The following TAFA5 variants were observed in gnomAD, a reference collection of about 807,000 sequenced individuals.
The protein encoded by TAFA5 is TAFA chemokine like family member 5.
Under a neutral mutation model 15.3 loss-of-function variants are expected in TAFA5, and 6 were observed. That is an observed-to-expected ratio of 0.39 (90% CI 0.21 to 0.77). The LOEUF (loss-of-function observed/expected upper bound fraction) is 0.77, where lower values mean the gene tolerates loss of function less well. Among genes scored for constraint, TAFA5 ranks in the 30% least tolerant of loss-of-function variants. The pLI, the probability that TAFA5 is intolerant of heterozygous loss-of-function variation, is 0.41. For missense variants in TAFA5, 161 were observed against 193.1 expected (o/e 0.83, Z 0.98); for synonymous variants, 103 against 80.7 (o/e 1.28, Z -1.48).
chr22:48,576,706 C>G (rs1016022979), intron 1 of TAFA5: 14 of 1,085,726 alleles, frequency 1.3e-5, no homozygotes, highest in Non-Finnish European at 1.4e-5. Flanking sequence ...CACTGCGGGC[C>G]CGGAGCGGCC....
At position 48,638,360 on chromosome 22, in the gene TAFA5, C is replaced by T. The variant is rs1053002737; in HGVS notation, c.113-8237C>T. ...GGCCACACACAGGCAATACCACCCC[C>T]CCCCCGACACTAAGCCCTGGGACAC... On this transcript the variant is annotated intron_variant, in intron 1 of 3. Transcript: ENST00000402357. 5.9e-5 allele frequency among the ~76,000 whole-genome samples: 4 copies of T among 68,318 alleles called. 1 individual carries two copies. The highest frequency in any genetic ancestry group is 8.1e-5 in the Non-Finnish European group (3 of 37,026). The allele number at this position is 68,318 out of a possible 152,430, so 44.8% of individuals were successfully genotyped here. A position where few individuals can be genotyped will look rare whatever the true frequency, so the allele number is the denominator to read the frequency against.
intron 1 of TAFA5, among the ~76,000 whole-genome samples, chr22:48,529,039 C>T (rs1323857817): frequency 6.6e-6 from 1 of 152,204 alleles, no homozygotes; most frequent in East Asian, 1.9e-4. Context: ...CTTGAGGGCA[C>T]TAGAACCCTC....
intron 3 of TAFA5, among the ~76,000 whole-genome samples, chr22:48,744,010 A>G (rs1930255711): frequency 6.6e-6 from 1 of 152,134 alleles, no homozygotes; most frequent in Admixed American, 6.5e-5. Context: ...TTTCAGTCCT[A>G]GGGCTGGGTT....
intron 2 of TAFA5, among the ~76,000 whole-genome samples, chr22:48,676,065 A>G (rs1320481143): frequency 1.4e-5 from 2 of 143,364 alleles, no homozygotes; most frequent in African/African-American, 6.0e-5. Context: ...GGCTTGGAAT[A>G]AAACACAGAG....
chr22:48,733,430 A>G (rs4925390), intron 3 of TAFA5, among the ~76,000 whole-genome samples: 105,700 of 152,130 alleles, frequency 0.69, 37,828 homozygotes, highest in African/African-American at 0.77. Context: ...GAACCCTCAC[A>G]GGCAAGTTGC....
intron 1 of TAFA5, among the ~76,000 whole-genome samples, chr22:48,645,945 C>A (rs143389588): frequency 2.6e-5 from 4 of 151,412 alleles, no homozygotes; most frequent in Non-Finnish European, 5.9e-5. Context: ...TTTGCACACA[C>A]GTACATGCAC....
chr22:48,606,982 A>G (rs1228516375), intron 1 of TAFA5, among the ~76,000 whole-genome samples: 1 of 152,156 alleles, frequency 6.6e-6, no homozygotes, highest in Non-Finnish European at 1.5e-5. Context: ...GTCCTGCATC[A>G]CTTTCACTGA....
chr22:48,562,186 G>T (rs530449212), intron 1 of TAFA5, among the ~76,000 whole-genome samples: 1 of 121,560 alleles, frequency 8.2e-6, no homozygotes, highest in Admixed American at 9.1e-5. Flanking sequence ...CGCCCAGGTT[G>T]GAGTGCAGTG....
intron 2 of TAFA5, among the ~76,000 whole-genome samples, chr22:48,689,893 A>G (rs2147237078): frequency 6.6e-6 from 1 of 152,230 alleles, no homozygotes; most frequent in African/African-American, 2.4e-5. Context: ...CTCAGTCACT[A>G]GCAAGGTCCT....
intron 1 of TAFA5, among the ~76,000 whole-genome samples, chr22:48,555,415 G>T (rs568263345): frequency 8.5e-4 from 130 of 152,358 alleles, no homozygotes; most frequent in African/African-American, 2.6e-3. Flanking sequence ...TTTCCGGGGA[G>T]GGCGGCTGCT....
At chr22:48,597,256 C>T (rs1334428711) in intron 1 of TAFA5, among the ~76,000 whole-genome samples, 1 of 152,244 alleles carries the variant, frequency 6.6e-6, no homozygotes, top group Non-Finnish European at 1.5e-5. Context: ...CCCTTCACCA[C>T]GCCACCATGG....
chr22:48,723,641 G>A (rs1484001508), intron 3 of TAFA5, among the ~76,000 whole-genome samples: 1 of 152,222 alleles, frequency 6.6e-6, no homozygotes, highest in Non-Finnish European at 1.5e-5. Context: ...AAGAGTGACT[G>A]CTCTTCTGCG....
At chr22:48,638,087 C>T (rs574359997) in intron 1 of TAFA5, among the ~76,000 whole-genome samples, 16 of 152,192 alleles carry the variant, frequency 1.1e-4, no homozygotes, top group African/African-American at 2.7e-4. Context: ...CACTCACCTG[C>T]GGGTATCGGG....
chr22:48,745,729 G>A (rs925551162), intron 3 of TAFA5, among the ~76,000 whole-genome samples: 4 of 152,208 alleles, frequency 2.6e-5, no homozygotes, highest in Admixed American at 6.5e-5. Context: ...TGTGGTCCAC[G>A]TGGGTACTTG....
chr22:48,700,748 G>A (rs998520860), intron 2 of TAFA5, among the ~76,000 whole-genome samples: 3 of 152,188 alleles, frequency 2.0e-5, no homozygotes, highest in Admixed American at 2.0e-4. Flanking sequence ...GATCATCACA[G>A]GTTCTCAGGA....
In TAFA5 at chr22:48,707,923, C is replaced by T. The variant is rs1188375111; in HGVS notation, c.390+79C>T. The stretch of plus-strand genomic sequence containing the variant: ...CGGGCCTCCGACGCCACCCGGGCTC[C>T]GCGGGGACAGGTGGCAGCTGCTCAC... On this transcript the variant is annotated intron_variant, in intron 3 of 3. Transcript: ENST00000402357. 1.0e-5 allele frequency: 16 copies of T among 1,535,720 alleles called. No individual in the cohort carries two copies. The East Asian group carries it at 1.1e-4, about 11-fold the overall frequency.
chr22:48,507,897 C>G (rs1426900158), intron 1 of TAFA5, among the ~76,000 whole-genome samples: 2 of 152,114 alleles, frequency 1.3e-5, no homozygotes, highest in East Asian at 3.9e-4. Context: ...ATCCCCAGCA[C>G]GAGGCCCATC....
intron 1 of TAFA5, among the ~76,000 whole-genome samples, chr22:48,584,958 A>C (rs1020075328): frequency 6.8e-6 from 1 of 147,642 alleles, no homozygotes; most frequent in African/African-American, 2.5e-5. Context: ...TCACACACAC[A>C]CCACACAGAA....
At chr22:48,612,880 C>T (rs1405499582) in intron 1 of TAFA5, among the ~76,000 whole-genome samples, 20 of 152,150 alleles carry the variant, frequency 1.3e-4, no homozygotes, top group Non-Finnish European at 1.5e-5. Context: ...GCCGACTGGT[C>T]ATCGTGGGGA....
Sources: allele counts gnomAD v4.1 joint callset (sites outside exome capture counted in the v4.1 genomes callset), GRCh38; gene constraint gnomAD v4.1.1; transcripts MANE v1.5; gene names NCBI Gene and HGNC (gene_info 2026-07-23, HGNC 2026-07-21).